Variants in TLK1 observed in about 807,000 individuals in gnomAD.
TLK1 encodes tousled like kinase 1, also known as serine/threonine-protein kinase tousled-like 1.
A neutral mutation model predicts 105.3 loss-of-function variants in TLK1; 24 were observed. The observed-to-expected ratio is 0.23, with a 90% CI of 0.17 to 0.32. TLK1 has a LOEUF of 0.32. Among genes scored for constraint, TLK1 ranks in the 10% least tolerant of loss-of-function variants. The pLI is 1.00. For synonymous variants in TLK1, 321 were observed against 310.4 expected, an observed-to-expected ratio of 1.03 and a Z score of -0.36; for missense variants, 558 against 910.5, an observed-to-expected ratio of 0.61 and a Z score of 4.98.
intron 18 of TLK1, among the ~76,000 whole-genome samples, chr2:171,000,376 C>T (rs999171639): frequency 1.4e-4 from 11 of 78,342 alleles, no homozygotes; most frequent in East Asian, 7.9e-4. Context: ...GAAACTCTGT[C>T]AAAAAAAAAA....
At chr2:171,095,034 G>A (rs1290692857) in intron 2 of TLK1, among the ~76,000 whole-genome samples, 2 of 151,970 alleles carry the variant, frequency 1.3e-5, no homozygotes, top group Admixed American at 1.3e-4. Context: ...ATAACCAATA[G>A]GTCAAAGGAT....
chr2:171,230,629 C>T (rs911872662), intron 1 of TLK1, among the ~76,000 whole-genome samples: 7 of 152,152 alleles, frequency 4.6e-5, no homozygotes, highest in Non-Finnish European at 7.3e-5. Context: ...GATTTCCTCC[C>T]GTCTCCTTGT....
rs192514651 is a variant in TLK1, at chr2:171,106,787, G to A, written c.258+10952C>T. 3.1e-3 allele frequency among the ~76,000 whole-genome samples: 473 copies of A among 152,208 alleles called. 3 individuals are homozygous for A. Among genetic ancestry groups the A allele is most frequent in the Non-Finnish European group, 4.8e-3 (327 of 68,008 alleles). ...TATCATCATCACTCTAAACATTACA[G>A]GAGTCATTGGTCACAACTGTCATAC... On this transcript the variant is annotated intron_variant, in intron 2 of 20. Transcript: ENST00000431350.
intron 11 of TLK1, among the ~76,000 whole-genome samples, chr2:171,030,564 T>C (rs1194056607): frequency 6.6e-6 from 1 of 152,084 alleles, no homozygotes; most frequent in African/African-American, 2.4e-5. Context: ...AAAGAAAAGA[T>C]GTAGGAATGT....
intron 1 of TLK1, among the ~76,000 whole-genome samples, chr2:171,138,229 T>A (rs1691422803): frequency 6.6e-6 from 1 of 152,202 alleles, no homozygotes; most frequent in Non-Finnish European, 1.5e-5. Context: ...TGTACACATT[T>A]GTTTTAGCCA....
At chr2:171,106,901 T>C (rs942015863) in intron 2 of TLK1, among the ~76,000 whole-genome samples, 1 of 152,214 alleles carries the variant, frequency 6.6e-6, no homozygotes, top group Non-Finnish European at 1.5e-5. Context: ...ATCCAACATA[T>C]ACCTGTACTT....
intron 8 of TLK1, among the ~76,000 whole-genome samples, chr2:171,052,521 T>C (rs532929877): frequency 2.5e-4 from 38 of 152,314 alleles, no homozygotes; most frequent in Middle Eastern, 3.4e-3. Flanking sequence ...CCTTACAATA[T>C]TGCAATGAAA....
intron 18 of TLK1, among the ~76,000 whole-genome samples, chr2:171,000,376 CAAAAAA>C (rs34800888): frequency 1.1e-4 from 9 of 78,376 alleles, no homozygotes; most frequent in Non-Finnish European, 2.0e-4. Context: ...GAAACTCTGT[CAAAAAA>C]AAAAAAAAAA....
chr2:171,224,640 A>G (rs1280589030), intron 1 of TLK1, among the ~76,000 whole-genome samples: 1 of 152,206 alleles, frequency 6.6e-6, no homozygotes, highest in Non-Finnish European at 1.5e-5. Flanking sequence ...GTTGATCTAC[A>G]GATTCAACAA....
chr2:171,152,637 T>C (rs1692087691), intron 1 of TLK1, among the ~76,000 whole-genome samples: 1 of 152,182 alleles, frequency 6.6e-6, no homozygotes, highest in South Asian at 2.1e-4. Context: ...TACTGAATAC[T>C]ATTAACAGAG....
rs142538701 is a variant in TLK1, at chr2:171,079,907, T to G, written c.330+2874A>C. ...AAACCATCACAAATCCTAAGAGGGA[T>G]TCAACAGAAAATGTCCAACTGGTGA... On this transcript the variant is annotated intron_variant, in intron 3 of 20. Transcript: ENST00000431350. 5.0e-3 allele frequency among the ~76,000 whole-genome samples: 758 copies of G among 152,142 alleles called. 6 individuals carry two copies. The highest frequency in any genetic ancestry group is 0.017 in the African/African-American group (704 of 41,498).
chr2:171,136,049 CAAG>C (rs1286317866), intron 1 of TLK1, among the ~76,000 whole-genome samples: 2 of 152,100 alleles, frequency 1.3e-5, no homozygotes, highest in Admixed American at 1.3e-4. Flanking sequence ...TCACGATACC[CAAG>C]AAGTGGAAGC....
At chr2:171,076,277 G>A (rs764103586) in intron 3 of TLK1, among the ~76,000 whole-genome samples, 3 of 152,028 alleles carry the variant, frequency 2.0e-5, no homozygotes, top group Non-Finnish European at 2.9e-5. Flanking sequence ...CCATTATTGT[G>A]GGGATGGGTT....
At position 171,160,727 on chromosome 2, in the gene TLK1, A is replaced by AGCCGG. The variant is rs915103688; in HGVS notation, c.-304_-300dup. 2.2e-5 allele frequency: 10 copies of AGCCGG among 450,026 alleles called. No homozygotes were observed. Among genetic ancestry groups the AGCCGG allele is most frequent in the African/African-American group, 1.9e-4 (9 of 46,746 alleles). The allele number at this position is 450,026 out of a possible 1,614,324, so 27.9% of individuals were successfully genotyped here. On this transcript the variant is annotated 5_prime_UTR_variant, in exon 1 of 21. Transcript: ENST00000431350. This position sits in a 1 kb window ranked among gnomAD's most constrained non-coding sequence, Gnocchi z 4.4. ...GCGGCGGAGGCGTCGAGGGGGTGCC[A>AGCCGG]GCCGGGCCGGGGTCGGAGCGCGGGC...
At chr2:171,186,469 A>G (rs1274714020) in intron 1 of TLK1, among the ~76,000 whole-genome samples, 1 of 152,226 alleles carries the variant, frequency 6.6e-6, no homozygotes, top group African/African-American at 2.4e-5. Flanking sequence ...TCTAGGAGCC[A>G]GAGATGCTAA....
Position 171,160,626 on chromosome 2 carries a change from G to A in TLK1, c.-198C>T, listed in dbSNP as rs1371268844. Reference sequence around the variant, plus strand: ...GGAAAGAGGTGAGGGAAGGAGAGGGGACAGGGAGGAGGGAAAGGGGGAGAA... The same window carrying A: ...GGAAAGAGGTGAGGGAAGGAGAGGGAACAGGGAGGAGGGAAAGGGGGAGAA... On this transcript the variant is annotated 5_prime_UTR_variant, in exon 1 of 21. Transcript: ENST00000431350. The surrounding 1 kb of genome is among the most constrained non-coding windows in gnomAD (Gnocchi z 4.4). The A allele has an allele frequency of 6.5e-6, 5 of 774,178 alleles. No homozygotes were observed. The highest frequency in any genetic ancestry group is 1.9e-5 in the African/African-American group (1 of 53,800). The allele number at this position is 774,178 out of a possible 1,614,324, so 48.0% of individuals were successfully genotyped here.
upstream of TLK1, among the ~76,000 whole-genome samples, chr2:171,164,833 G>C (rs1373293394): frequency 6.6e-6 from 1 of 151,944 alleles, no homozygotes; most frequent in Non-Finnish European, 1.5e-5. Flanking sequence ...TAAAAAAATA[G>C]ATCAAGACTG....
At chr2:171,178,785 A>T (rs1018872665) in intron 1 of TLK1, among the ~76,000 whole-genome samples, 14 of 152,348 alleles carry the variant, frequency 9.2e-5, no homozygotes, top group Admixed American at 5.9e-4. Flanking sequence ...AAACAGAAGA[A>T]ATTTAAATGT....
At chr2:171,221,965 T>C (rs908272991) in intron 1 of TLK1, among the ~76,000 whole-genome samples, 2 of 152,240 alleles carry the variant, frequency 1.3e-5, no homozygotes, top group Non-Finnish European at 2.9e-5. Context: ...ACACATTTAC[T>C]GCTCACCAAA....
Sources: allele counts gnomAD v4.1 joint callset (sites outside exome capture counted in the v4.1 genomes callset), GRCh38; gene constraint gnomAD v4.1.1; non-coding constraint Gnocchi (gnomAD v3.1); transcripts MANE v1.5; gene names NCBI Gene and HGNC (gene_info 2026-07-23, HGNC 2026-07-21).